Variants in NDST1 observed in about 807,000 individuals in gnomAD.
NDST1 encodes bifunctional heparan sulfate N-deacetylase/N-sulfotransferase 1.
In NDST1, 35 loss-of-function variants were observed where a neutral mutation model predicts 92.8. The ratio of observed to expected loss-of-function variants is 0.38; its 90% CI spans 0.29 to 0.50. The LOEUF is 0.50. Among genes scored for constraint, NDST1 ranks in the 20% least tolerant of loss-of-function variants. NDST1 has a pLI of 0.94. For synonymous variants in NDST1, 493 were observed against 500.3 expected (o/e 0.99, Z 0.19); for missense variants, 822 against 1,182.7 (o/e 0.69, Z 4.47).
intron 2 of NDST1, among the ~76,000 whole-genome samples, chr5:150,522,468 G>T (rs372897148): frequency 3.3e-5 from 5 of 151,896 alleles, no homozygotes; most frequent in African/African-American, 1.2e-4. Flanking sequence ...GTGGGCGGGG[G>T]ATCCAGAGGC....
intron 6 of NDST1, among the ~76,000 whole-genome samples, chr5:150,537,731 A>G (rs1287065537): frequency 1.3e-5 from 2 of 152,144 alleles, no homozygotes; most frequent in South Asian, 4.1e-4. Flanking sequence ...CCCACACCCT[A>G]TTCGTACGCT....
At chr5:150,512,998 T>C (rs1240750475) in intron 1 of NDST1, among the ~76,000 whole-genome samples, 1 of 151,348 alleles carries the variant, frequency 6.6e-6, no homozygotes, top group East Asian at 1.9e-4. Flanking sequence ...AGACCAGGAG[T>C]TCAAGACCAG....
chr5:150,500,473 A>G (rs1035308952), intron 1 of NDST1, among the ~76,000 whole-genome samples: 1 of 152,208 alleles, frequency 6.6e-6, no homozygotes, highest in East Asian at 1.9e-4. Context: ...GCTGAGTGCA[A>G]TGTGAGCTAT....
chr5:150,501,323 GTGGGTGGC>G (rs1753219167), intron 1 of NDST1, among the ~76,000 whole-genome samples: 1 of 152,164 alleles, frequency 6.6e-6, no homozygotes, highest in Non-Finnish European at 1.5e-5. Flanking sequence ...GGCCATGAAG[GTGGGTGGC>G]GGCGGTCCAG....
In NDST1 at chr5:150,521,889, A is replaced by C; in HGVS notation, c.513+122A>C. 1 of 1,283,972 alleles carries C rather than the reference A, an allele frequency of 7.8e-7. No homozygotes were observed. 79.5% of individuals were successfully genotyped at this position (1,283,972 alleles called of 1,614,324 possible). On this transcript the variant is annotated intron_variant, in intron 2 of 14. Coordinates refer to ENST00000261797, the MANE Select transcript of NDST1 (RefSeq NM_001543.5). This position sits in a 1 kb window ranked among gnomAD's most constrained non-coding sequence, Gnocchi z 5.9. The stretch of plus-strand genomic sequence containing the variant: ...CCTCCTGGGGTTGTTGGGAGGGTTA[A>C]ATGAGTGAGTATATGTAAAGCACTG...
upstream of NDST1, among the ~76,000 whole-genome samples, chr5:150,507,211 A>T (rs1020839946): frequency 6.6e-6 from 1 of 151,830 alleles, no homozygotes; most frequent in Admixed American, 6.6e-5. Flanking sequence ...GTGTGACATG[A>T]GGAGCCTGGA....
chr5:150,535,681 C>T lies in NDST1; in HGVS notation c.1252-19C>T, dbSNP rs773020169. On this transcript the variant is annotated intron_variant, in intron 5 of 14. Coordinates refer to ENST00000261797, the MANE Select transcript of NDST1 (RefSeq NM_001543.5). ...GAAGGACCCCTATGCTCACCCTGGCCTGGTCATCCTCTCCCTAGGAGCATG... is the reference window on the plus strand; with the variant it reads ...GAAGGACCCCTATGCTCACCCTGGCTTGGTCATCCTCTCCCTAGGAGCATG... The T allele has an allele frequency of 1.5e-5, 25 of 1,614,010 alleles. No individual in the cohort carries two copies. The East Asian group carries it at 4.9e-4, about 32-fold the overall frequency.
rs565435833 is a variant in NDST1, at chr5:150,539,538, C to T, written c.1566+182C>T. 1,697 of 1,462,868 alleles carry T rather than the reference C, an allele frequency of 1.2e-3. 2 individuals carry two copies. The highest frequency in any genetic ancestry group is 1.4e-3 in the Non-Finnish European group (1,567 of 1,111,474). The allele number at this position is 1,462,868 out of a possible 1,614,324, so 90.6% of individuals were successfully genotyped here. ...GCTGTGTGACCTTGGCTAAAGAATC[C>T]GAGCATGCTTTTTTTTTCCTTTCCT... On this transcript the variant is annotated intron_variant, in intron 7 of 14. Transcript: ENST00000261797.
At position 150,528,453 on chromosome 5, in the gene NDST1, TTCTTATTAATTG is replaced by T. The variant is rs1754569863; in HGVS notation, c.1008+164_1008+175del. 2.0e-5 allele frequency among the ~76,000 whole-genome samples: 3 copies of T among 152,332 alleles called. No homozygotes were observed. In the South Asian group the frequency reaches 6.2e-4, roughly 32 times the overall value. ...CTCTGCTTCCTGTCCTGCCAGTTGG[TTCTTATTAATTG>T]TCTTATTAGAAGCAAGTATCATTTA... On this transcript the variant is annotated intron_variant, in intron 3 of 14. Coordinates refer to ENST00000261797, the MANE Select transcript of NDST1 (RefSeq NM_001543.5).
At chr5:150,519,631 C>T (rs1181147296) in intron 1 of NDST1, among the ~76,000 whole-genome samples, 3 of 151,794 alleles carry the variant, frequency 2.0e-5, no homozygotes, top group South Asian at 2.1e-4. Flanking sequence ...GAGGTGGCAG[C>T]GAGCCGAGAT....
In NDST1 at chr5:150,534,924, G is replaced by C. The variant is rs1228451284; in HGVS notation, c.1154G>C (p.Trp385Ser). ...CTGCTGTCGTATGTGAAGGAGTTCT[G>C]GTGGTTCCCCCACATGTGGAGCCAC... is the stretch of plus-strand genomic sequence containing the variant. The part of the protein sequence containing the change: ...DLLLSYVKEF[W>S]WFPHMWSHMQ... Residue 385 changes from tryptophan (W) to serine (S), a missense_variant, in exon 5 of 15, where the codon TGG (tryptophan) becomes TCG (serine). Transcript: ENST00000261797. 1 of 1,614,102 alleles carries C rather than the reference G, an allele frequency of 6.2e-7. No homozygotes were observed. The highest frequency in any genetic ancestry group is 1.3e-5 in the African/African-American group (1 of 74,922).
chr5:150,501,152 C>T (rs1262756641), intron 1 of NDST1, among the ~76,000 whole-genome samples: 1 of 152,222 alleles, frequency 6.6e-6, no homozygotes, highest in Non-Finnish European at 1.5e-5. Flanking sequence ...TGCCCGCTTC[C>T]GCCTGACACT....
In NDST1 at chr5:150,521,354, T is replaced by C; in HGVS notation, c.100T>C (p.Ser34Pro). The C allele has an allele frequency of 6.2e-7, 1 of 1,613,564 alleles. No individual in the cohort carries two copies. ...CTTCTGCCTGTTCAGCGTTTTCATC[T>C]CGGCCTACTACCTATATGGCTGGAA... ...FIFCLFSVFI[S>P]AYYLYGWKRG... is the part of the protein sequence containing the mutation. The change falls in exon 2 of 15, where the codon TCG (serine) becomes CCG (proline). Residue 34 changes from serine to proline, a missense_variant. Physicochemically the swap from Ser to Pro is moderately conservative, Grantham distance 74. Coordinates refer to ENST00000261797, the MANE Select transcript of NDST1 (RefSeq NM_001543.5). The surrounding 1 kb of genome is among the most constrained non-coding windows in gnomAD (Gnocchi z 5.9).
rs1350481166 is a variant in NDST1 at position 150,521,450 on chromosome 5, C to T, written c.196C>T (p.Arg66Cys). 13 of 1,613,234 alleles carry T rather than the reference C, an allele frequency of 8.1e-6. No homozygotes were observed. Among genetic ancestry groups the T allele is most frequent in the South Asian group, 2.2e-5 (2 of 91,074 alleles). The change falls in exon 2 of 15, where the codon CGC becomes TGC. Residue 66 changes from arginine (R) to cysteine (C), a missense_variant. Coordinates refer to ENST00000261797, the MANE Select transcript of NDST1 (RefSeq NM_001543.5). This position sits in a 1 kb window ranked among gnomAD's most constrained non-coding sequence, Gnocchi z 5.9. ...CGDPPPVAPS[R>C]LLPLKPVQAA... ...GGACCCGCCGCCTGTGGCCCCCAGTCGCCTGCTGCCACTCAAGCCTGTGCA... is the reference window on the plus strand; with the variant it reads ...GGACCCGCCGCCTGTGGCCCCCAGTTGCCTGCTGCCACTCAAGCCTGTGCA...
intron 3 of NDST1, among the ~76,000 whole-genome samples, chr5:150,529,465 A>C (rs896083805): frequency 4.6e-5 from 7 of 151,754 alleles, no homozygotes; most frequent in Admixed American, 3.3e-4. Context: ...ACAAGATTTT[A>C]CACACATGTG....
chr5:150,545,708 C>T (rs1025629040), intron 11 of NDST1, among the ~76,000 whole-genome samples: 3 of 152,260 alleles, frequency 2.0e-5, no homozygotes, highest in Admixed American at 1.3e-4. Context: ...TGCCTAGTGT[C>T]ATGCGGGGTC....
chr5:150,549,891 G>C, intron 13 of NDST1, 104 bp downstream of exon 13: 1 of 748,144 alleles, frequency 1.3e-6, no homozygotes. Context: ...GTTAGTTAGA[G>C]TCAGAAAGTA....
intron 1 of NDST1, among the ~76,000 whole-genome samples, chr5:150,511,842 G>A (rs1753737705): frequency 6.6e-6 from 1 of 152,138 alleles, no homozygotes; most frequent in Non-Finnish European, 1.5e-5. Flanking sequence ...GCACAGCTGG[G>A]AAGCAAATGT....
At position 150,555,816 on chromosome 5, in the gene NDST1, G is replaced by T. The variant is rs115083931; in HGVS notation, c.*2484G>T. 3.9e-5 allele frequency: 6 copies of T among 152,234 alleles called. No homozygotes were observed. Among genetic ancestry groups the T allele is most frequent in the African/African-American group, 1.4e-4 (6 of 41,448 alleles). 9.4% of individuals were successfully genotyped at this position (152,234 alleles called of 1,614,324 possible). A position where few individuals can be genotyped will look rare whatever the true frequency, so the allele number is the denominator to read the frequency against. On this transcript the variant is annotated 3_prime_UTR_variant, in exon 15 of 15. Transcript: ENST00000261797. ...CCTCTGGCTATGGGAAGGAGCAGGC[G>T]GTTGGAAATCCTGTGACAGCAGAGA...
Sources: allele counts gnomAD v4.1 joint callset (sites outside exome capture counted in the v4.1 genomes callset), GRCh38; gene constraint gnomAD v4.1.1; non-coding constraint Gnocchi (gnomAD v3.1); transcripts MANE v1.5; gene names NCBI Gene and HGNC (gene_info 2026-07-23, HGNC 2026-07-21).